Variants in CRPPA observed in about 807,000 individuals in gnomAD.
The protein encoded by CRPPA is D-ribitol-5-phosphate cytidylyltransferase.
Under a neutral mutation model 52.0 loss-of-function variants are expected in CRPPA, and 43 were observed. That is an observed-to-expected ratio of 0.83 (90% CI 0.65 to 1.07). The LOEUF (loss-of-function observed/expected upper bound fraction) is 1.07. Among genes scored for constraint, CRPPA ranks in the 50% least tolerant of loss-of-function variants. CRPPA has a pLI of 0.00. For synonymous variants in CRPPA, 250 were observed against 203.5 expected (o/e 1.23, Z -1.94); for missense variants, 629 against 551.7 (o/e 1.14, Z -1.40).
intron 6 of CRPPA, among the ~76,000 whole-genome samples, chr7:16,262,981 G>T (rs1783850940): frequency 6.6e-6 from 1 of 152,084 alleles, no homozygotes; most frequent in African/African-American, 2.4e-5. Flanking sequence ...AAGATTTTAT[G>T]AATGATCTTT....
chr7:16,102,975 A>AT (rs1782078674), intron 9 of CRPPA, among the ~76,000 whole-genome samples: 1 of 152,246 alleles, frequency 6.6e-6, no homozygotes, highest in South Asian at 2.1e-4. Context: ...AAAGGATTAT[A>AT]AATCATTCTA....
intron 3 of CRPPA, among the ~76,000 whole-genome samples, chr7:16,352,876 A>G (rs1786192611): frequency 7.4e-6 from 1 of 135,946 alleles, no homozygotes; most frequent in Admixed American, 7.8e-5. Flanking sequence ...TTTAAGTAAC[A>G]TGGCACACAC....
chr7:16,314,892 T>C (rs890434726), intron 3 of CRPPA, among the ~76,000 whole-genome samples: 2 of 152,140 alleles, frequency 1.3e-5, no homozygotes, highest in African/African-American at 4.8e-5. Flanking sequence ...CTGGTATTCC[T>C]GAAGCTTCCT....
intron 3 of CRPPA, among the ~76,000 whole-genome samples, chr7:16,361,528 C>T (rs756617338): frequency 6.6e-5 from 10 of 152,106 alleles, no homozygotes; most frequent in Non-Finnish European, 1.5e-4. Context: ...TGTTACTCAG[C>T]CAGCCCAAAA....
At chr7:16,297,289 T>A (rs1784693721) in intron 5 of CRPPA, among the ~76,000 whole-genome samples, 1 of 152,150 alleles carries the variant, frequency 6.6e-6, no homozygotes, top group Admixed American at 6.5e-5. Context: ...CTAGCATGAG[T>A]CCAATGTCCT....
chr7:16,253,336 G>T lies in CRPPA; in HGVS notation c.1119+5054C>A, dbSNP rs551164255. 1.8e-4 allele frequency among the ~76,000 whole-genome samples: 28 copies of T among 152,166 alleles called. No homozygotes were observed. In the Middle Eastern group the frequency reaches 0.014, roughly 74 times the overall value. Reference sequence around the variant, plus strand: ...TTCTCATTGATTTCAAAGAACATCTGTATTTCTGCCTTCATTTTGTTATTC... The same window carrying T: ...TTCTCATTGATTTCAAAGAACATCTTTATTTCTGCCTTCATTTTGTTATTC... On this transcript the variant is annotated intron_variant, in intron 8 of 9. Transcript: ENST00000407010.
intron 8 of CRPPA, among the ~76,000 whole-genome samples, chr7:16,223,494 A>T (rs1782573619): frequency 6.6e-6 from 1 of 152,194 alleles, no homozygotes; most frequent in Non-Finnish European, 1.5e-5. Flanking sequence ...ATGCATCTCA[A>T]AATTCTCTTT....
chr7:16,191,938 T>A (rs916597308), intron 9 of CRPPA, among the ~76,000 whole-genome samples: 1 of 152,136 alleles, frequency 6.6e-6, no homozygotes, highest in African/African-American at 2.4e-5. Flanking sequence ...AGAGATTGTA[T>A]GATTTGTTCA....
At chr7:16,383,780 G>T (rs186983335) in intron 2 of CRPPA, among the ~76,000 whole-genome samples, 42 of 152,348 alleles carry the variant, frequency 2.8e-4, no homozygotes, top group African/African-American at 1.0e-3. Flanking sequence ...AGACTCCATG[G>T]GCGTAGGACC....
intron 8 of CRPPA, among the ~76,000 whole-genome samples, chr7:16,253,032 T>A (rs1251891347): frequency 2.0e-5 from 3 of 152,196 alleles, no homozygotes. Flanking sequence ...TCTATCTATT[T>A]TGTTGATCTT....
At chr7:16,187,340 T>A (rs1408693093) in intron 9 of CRPPA, among the ~76,000 whole-genome samples, 1 of 152,198 alleles carries the variant, frequency 6.6e-6, no homozygotes, top group Admixed American at 6.5e-5. Context: ...TTCCTAAAAC[T>A]TGAATATTTC....
chr7:16,305,938 A>G (rs1239877187), intron 4 of CRPPA, among the ~76,000 whole-genome samples: 1 of 152,170 alleles, frequency 6.6e-6, no homozygotes, highest in Non-Finnish European at 1.5e-5. Flanking sequence ...GACATCCGAA[A>G]TCAAGATACA....
rs182548318 is a variant in CRPPA at position 16,255,883 on chromosome 7, G to T, written c.1119+2507C>A. On this transcript the variant is annotated intron_variant, in intron 8 of 9. Coordinates refer to ENST00000407010, the MANE Select transcript of CRPPA (RefSeq NM_001101426.4). ...AATACCATTCAGGACATAAAGATGGGCAAAGTCTTCATGACTAAAACACCA... is the reference window on the plus strand; with the variant it reads ...AATACCATTCAGGACATAAAGATGGTCAAAGTCTTCATGACTAAAACACCA... Among the ~76,000 whole-genome samples the T allele has an allele frequency of 2.6e-5, 4 of 152,190 alleles. No homozygotes were observed. In the East Asian group the frequency reaches 7.7e-4, roughly 29 times the overall value.
chr7:16,153,496 A>G lies in CRPPA; in HGVS notation c.1252-61697T>C, dbSNP rs367846621. ...GCTTCCCTAGTTTAAATAATTTACT[A>G]TATATTTTTAATTCAAAAGCTTGAA... On this transcript the variant is annotated intron_variant, in intron 9 of 9. Coordinates refer to ENST00000407010, the MANE Select transcript of CRPPA (RefSeq NM_001101426.4). Among the ~76,000 whole-genome samples the G allele has an allele frequency of 9.9e-5, 15 of 152,252 alleles. No homozygotes were observed. The East Asian group carries it at 2.3e-3, about 23-fold the overall frequency.
chr7:16,196,369 G>A lies in CRPPA; in HGVS notation c.1251+19697C>T, dbSNP rs188818118. ...TATACAAAAGTGCCTGGTGCACACC[G>A]TGCTCAAAAAAATATATGTCTTCTT... On this transcript the variant is annotated intron_variant, in intron 9 of 9. Coordinates refer to ENST00000407010, the MANE Select transcript of CRPPA (RefSeq NM_001101426.4). 7.6e-4 allele frequency among the ~76,000 whole-genome samples: 115 copies of A among 152,146 alleles called. 1 individual carries two copies. The highest frequency in any genetic ancestry group is 1.9e-3 in the African/African-American group (79 of 41,510).
chr7:16,258,851 GA>G (rs1783717224), intron 7 of CRPPA, 68 bp downstream of exon 7: 5 of 887,314 alleles, frequency 5.6e-6, no homozygotes, highest in Admixed American at 5.7e-5. Context: ...AAATATTTAA[GA>G]ATCAAATTAG....
intron 2 of CRPPA, among the ~76,000 whole-genome samples, chr7:16,378,236 A>G (rs1296536854): frequency 2.0e-5 from 3 of 146,606 alleles, no homozygotes; most frequent in East Asian, 4.3e-4. Flanking sequence ...CATTAGGTAT[A>G]TCTCCTAATG....
At chr7:16,123,747 CG>C (rs1782522116) in intron 9 of CRPPA, among the ~76,000 whole-genome samples, 2 of 152,034 alleles carry the variant, frequency 1.3e-5, no homozygotes, top group Non-Finnish European at 2.9e-5. Context: ...ATTGTTTAAC[CG>C]CTTTACTTAC....
At chr7:16,178,376 A>C (rs553460342) in intron 9 of CRPPA, among the ~76,000 whole-genome samples, 252 of 152,238 alleles carry the variant, frequency 1.7e-3, no homozygotes, top group Non-Finnish European at 3.3e-3. Flanking sequence ...CAGAACTTCT[A>C]AAGATTTATG....
Sources: allele counts gnomAD v4.1 joint callset (sites outside exome capture counted in the v4.1 genomes callset), GRCh38; gene constraint gnomAD v4.1.1; transcripts MANE v1.5; gene names NCBI Gene and HGNC (gene_info 2026-07-23, HGNC 2026-07-21).